Variants in IGF1R observed in about 807,000 individuals in gnomAD.
The protein encoded by IGF1R is insulin-like growth factor 1 receptor.
A neutral mutation model predicts 144.6 loss-of-function variants in IGF1R; 44 were observed. The ratio of observed to expected loss-of-function variants is 0.30; its 90% CI spans 0.24 to 0.39. The LOEUF is 0.39. Ranked by LOEUF, IGF1R falls within the 10% of genes least tolerant of loss-of-function variation. IGF1R has a pLI of 1.00. For synonymous variants in IGF1R, 795 were observed against 722.8 expected (o/e 1.10, Z -1.60); for missense variants, 1,355 against 1,833.7 (o/e 0.74, Z 4.77).
chr15:98,957,028 G>A (rs1357629694), intron 20 of IGF1R, 33 bp from the exon 21 acceptor site: 3 of 1,613,608 alleles, frequency 1.9e-6, no homozygotes, highest in Non-Finnish European at 2.5e-6. Context: ...CGCCCTCCCG[G>A]TTTGGACCCC....
intron 19 of IGF1R, among the ~76,000 whole-genome samples, chr15:98,946,296 C>G (rs557098060): frequency 6.6e-6 from 1 of 151,924 alleles, no homozygotes; most frequent in African/African-American, 2.4e-5. Context: ...GAGGTTTCCT[C>G]GTGGGACTTA....
In IGF1R at chr15:98,943,025, G is replaced by A; in HGVS notation, c.3560G>A (p.Gly1187Glu). 1 of 1,614,232 alleles carries A rather than the reference G, an allele frequency of 6.2e-7. No homozygotes were observed. The highest frequency in any genetic ancestry group is 8.5e-7 in the Non-Finnish European group (1 of 1,180,034). Reference sequence around the variant, plus strand: ...ATGTCTCCTGAGTCCCTCAAGGATGGAGTCTTCACCACTTACTCGGACGTC... The same window carrying A: ...ATGTCTCCTGAGTCCCTCAAGGATGAAGTCTTCACCACTTACTCGGACGTC... The part of the protein sequence containing the change: ...RWMSPESLKD[G>E]VFTTYSDVWS... Residue 1187 changes from glycine (G) to glutamate (E), a missense_variant, in exon 19 of 21, where the codon GGA (glycine) becomes GAA (glutamate). Physicochemically the swap from Gly to Glu is moderately conservative, Grantham distance 98. Around this residue, in one of 7 missense-constraint regions of IGF1R, gnomAD observed 77 missense variants for 163.2 expected, o/e 0.47. Transcript: ENST00000650285.
intron 1 of IGF1R, among the ~76,000 whole-genome samples, chr15:98,665,093 G>T (rs924585331): frequency 6.6e-6 from 1 of 151,988 alleles, no homozygotes; most frequent in Non-Finnish European, 1.5e-5. Context: ...CAGCAGCTGG[G>T]ACTACAGGCG....
chr15:98,772,356 G>T (rs533405965), intron 2 of IGF1R, among the ~76,000 whole-genome samples: 1 of 151,894 alleles, frequency 6.6e-6, no homozygotes, highest in African/African-American at 2.4e-5. Context: ...TTCAAATTGA[G>T]TTCTCATAGT....
rs2017351154 is a variant in IGF1R at position 98,964,524 on chromosome 15, G to A, written c.*7082G>A. 4.9e-6 allele frequency: 1 copy of A among 205,888 alleles called. No homozygotes were observed. The highest frequency in any genetic ancestry group is 6.0e-5 in the Admixed American group (1 of 16,800). 12.8% of individuals were successfully genotyped at this position (205,888 alleles called of 1,614,324 possible). A position where few individuals can be genotyped will look rare whatever the true frequency, so the allele number is the denominator to read the frequency against. On this transcript the variant is annotated 3_prime_UTR_variant, in exon 21 of 21. Coordinates refer to ENST00000650285, the MANE Select transcript of IGF1R (RefSeq NM_000875.5). ...GGTTTAAGTTAAATAAAATAATTCT[G>A]TATGCATTTCTGTCTCTGGTTTGGT...
At chr15:98,851,072 G>C (rs1311952851) in intron 2 of IGF1R, among the ~76,000 whole-genome samples, 1 of 152,214 alleles carries the variant, frequency 6.6e-6, no homozygotes, top group African/African-American at 2.4e-5. Flanking sequence ...AAGTGGGCTG[G>C]CCAGGGCAAG....
intron 2 of IGF1R, among the ~76,000 whole-genome samples, chr15:98,767,715 C>T (rs1042862384): frequency 2.6e-5 from 4 of 152,050 alleles, no homozygotes; most frequent in Non-Finnish European, 5.9e-5. Context: ...AGGAATAGAG[C>T]GCACGAACAA....
At chr15:98,764,656 C>G (rs1414577407) in intron 2 of IGF1R, among the ~76,000 whole-genome samples, 1 of 152,112 alleles carries the variant, frequency 6.6e-6, no homozygotes, top group Non-Finnish European at 1.5e-5. Context: ...TTCTAATAAC[C>G]AGTAAGTTCT....
chr15:98,868,906 A>C (rs1596377054), intron 2 of IGF1R, among the ~76,000 whole-genome samples: 1 of 152,142 alleles, frequency 6.6e-6, no homozygotes, highest in Non-Finnish European at 1.5e-5. Flanking sequence ...AGAGAGGATT[A>C]TCTTCATTAA....
At chr15:98,654,466 A>G (rs1395822203) in intron 1 of IGF1R, among the ~76,000 whole-genome samples, 1 of 152,242 alleles carries the variant, frequency 6.6e-6, no homozygotes, top group African/African-American at 2.4e-5. Flanking sequence ...ATCAGGAAGC[A>G]TTCATAATTT....
intron 2 of IGF1R, among the ~76,000 whole-genome samples, chr15:98,846,422 T>G (rs2011330103): frequency 6.6e-6 from 1 of 152,212 alleles, no homozygotes; most frequent in African/African-American, 2.4e-5. Context: ...AGGAGCAATA[T>G]AGGCAAGCTT....
At chr15:98,873,791 G>C (rs2012910878) in intron 2 of IGF1R, 2 of 152,248 alleles carry the variant, frequency 1.3e-5, no homozygotes, top group African/African-American at 4.8e-5. Context: ...TACCATGTGT[G>C]TAGGTGGATG....
chr15:98,804,034 A>T (rs976121098), intron 2 of IGF1R, among the ~76,000 whole-genome samples: 1 of 152,208 alleles, frequency 6.6e-6, no homozygotes, highest in African/African-American at 2.4e-5. Context: ...TTGCAATGTC[A>T]CTAGGCAATA....
At chr15:98,841,976 T>G (rs1334824401) in intron 2 of IGF1R, among the ~76,000 whole-genome samples, 1 of 152,250 alleles carries the variant, frequency 6.6e-6, no homozygotes, top group Non-Finnish European at 1.5e-5. Flanking sequence ...TGGCATCATC[T>G]TTCTAGATAA....
chr15:98,749,624 A>G (rs865783330), intron 2 of IGF1R, among the ~76,000 whole-genome samples: 2 of 152,364 alleles, frequency 1.3e-5, no homozygotes, highest in Middle Eastern at 6.8e-3. Flanking sequence ...ATTAGAATGT[A>G]ATAGCAATCG....
Position 98,963,013 on chromosome 15 carries a change from G to A in IGF1R, c.*5571G>A, listed in dbSNP as rs537086156. The A allele has an allele frequency of 9.2e-4, 215 of 233,634 alleles. No homozygotes were observed. The highest frequency in any genetic ancestry group is 1.5e-3 in the Non-Finnish European group (173 of 118,016). 14.5% of individuals were successfully genotyped at this position (233,634 alleles called of 1,614,324 possible). A position where few individuals can be genotyped will look rare whatever the true frequency, so the allele number is the denominator to read the frequency against. On this transcript the variant is annotated 3_prime_UTR_variant, in exon 21 of 21. Coordinates refer to ENST00000650285, the MANE Select transcript of IGF1R (RefSeq NM_000875.5). ...TTGTTTTAACTAGTCACTCATTAGC[G>A]TTTTCAATAGGGCTCTTAAGTCCAG...
At position 98,649,777 on chromosome 15, in the gene IGF1R, C is replaced by T. The variant is rs1056293094; in HGVS notation, c.94+102C>T. The T allele has an allele frequency of 9.1e-6, 8 of 875,200 alleles. No individual in the cohort carries two copies. In the East Asian group the frequency reaches 1.1e-4, roughly 12 times the overall value. The allele number at this position is 875,200 out of a possible 1,614,324, so 54.2% of individuals were successfully genotyped here. A position where few individuals can be genotyped will look rare whatever the true frequency, so the allele number is the denominator to read the frequency against. On this transcript the variant is annotated intron_variant, in intron 1 of 20. Transcript: ENST00000650285. ...AGTTGCCACCGTCGCAGCTGTCGGG[C>T]CCCCGGGCTCGGGAGCGGCGGGGTG...
At chr15:98,718,317 A>AGGG (rs1457142765) in intron 2 of IGF1R, among the ~76,000 whole-genome samples, 2 of 152,298 alleles carry the variant, frequency 1.3e-5, no homozygotes, top group Non-Finnish European at 2.9e-5. Context: ...CAGCGTATTT[A>AGGG]GGGACTGTCG....
intron 2 of IGF1R, among the ~76,000 whole-genome samples, chr15:98,858,488 T>C (rs547912912): frequency 3.3e-5 from 5 of 152,360 alleles, no homozygotes; most frequent in Admixed American, 1.3e-4. Context: ...CCTCCTTGAA[T>C]AGAAAAATAT....
Sources: allele counts gnomAD v4.1 joint callset (sites outside exome capture counted in the v4.1 genomes callset), GRCh38; gene constraint gnomAD v4.1.1; regional missense constraint gnomAD v4.1.1; transcripts MANE v1.5; gene names NCBI Gene and HGNC (gene_info 2026-07-23, HGNC 2026-07-21).